EMILIN1: variants seen among roughly 807,000 people sequenced by gnomAD.
The protein encoded by EMILIN1 is EMILIN-1.
EMILIN1 carries 49 observed loss-of-function variants against 82.4 expected under a neutral mutation model. The ratio of observed to expected loss-of-function variants is 0.59; its 90% confidence interval spans 0.47 to 0.75. The LOEUF (loss-of-function observed/expected upper bound fraction) is 0.75. Ranked by LOEUF, EMILIN1 falls within the 30% of genes least tolerant of loss-of-function variation. EMILIN1 has a pLI of 0.00. For synonymous variants in EMILIN1, 604 were observed against 602.2 expected, an observed-to-expected ratio of 1.00 and a Z score of -0.04; for missense variants, 1,313 against 1,366.4, an observed-to-expected ratio of 0.96 and a Z score of 0.62.
rs1188442424 is a variant in EMILIN1 at position 27,083,742 on chromosome 2, A to C, written c.2171A>C (p.Glu724Ala). 6.8e-6 allele frequency: 11 copies of C among 1,613,516 alleles called. No individual in the cohort carries two copies. In the East Asian group the frequency reaches 2.5e-4, roughly 36 times the overall value. Residue 724 changes from glutamate (E) to alanine (A), a missense_variant, in exon 4 of 8, where the codon GAG (glutamate) becomes GCG (alanine). Transcript: ENST00000380320. ...CAGGCCGGCCAGTGCCCCAGCTTAG[A>C]GGGGCGATTGGGCCGTCTTGAGGGT... Reference protein sequence around the residue: ...QAQAGQCPSLEGRLGRLEGVC... With the variant: ...QAQAGQCPSLAGRLGRLEGVC...
At position 27,082,953 on chromosome 2, in the gene EMILIN1, G is replaced by A. The variant is rs560031379; in HGVS notation, c.1382G>A (p.Gly461Glu). ...GLLANVSGEL[G>E]GRLDLLEEQV... ...CTGGCCAATGTGAGCGGGGAGCTGG[G>A]GGGGCGGTTGGATCTGTTGGAGGAG... The change falls in exon 4 of 8, where the codon GGG becomes GAG. Residue 461 changes from glycine (G) to glutamate (E), a missense_variant. Gly to Glu is a moderately conservative substitution (Grantham distance 98). Coordinates refer to ENST00000380320, the MANE Select transcript of EMILIN1 (RefSeq NM_007046.4). The A allele has an allele frequency of 6.3e-7, 1 of 1,586,190 alleles. No individual in the cohort carries two copies. The highest frequency in any genetic ancestry group is 8.6e-7 in the Non-Finnish European group (1 of 1,166,604).
intron 3 of EMILIN1, among the ~76,000 whole-genome samples, chr2:27,081,630 C>T (rs192667591): frequency 5.3e-5 from 8 of 152,336 alleles, no homozygotes; most frequent in Admixed American, 2.0e-4. Flanking sequence ...ACTCCCATTT[C>T]GCCCCTCTTG....
chr2:27,083,179 A>C lies in EMILIN1; in HGVS notation c.1608A>C (p.Gln536His), dbSNP rs763235759. The C allele has an allele frequency of 8.7e-6, 14 of 1,610,790 alleles. No individual in the cohort carries two copies. The East Asian group carries it at 3.1e-4, about 36-fold the overall frequency. The change falls in exon 4 of 8, where the codon CAA becomes CAC. Residue 536 changes from glutamine to histidine, a missense_variant. Gln to His is a conservative substitution (Grantham distance 24). Transcript: ENST00000380320. ...EARQATLEGL[Q>H]EVVGRLQDRV... ...GGCAGGCCACGCTGGAGGGATTACA[A>C]GAGGTTGTGGGCCGGCTCCAGGATC...
chr2:27,084,848 TA>T (rs1270047306), intron 5 of EMILIN1, 142 bp from the exon 6 acceptor site: 1 of 781,302 alleles, frequency 1.3e-6, no homozygotes, highest in African/African-American at 1.7e-5. Context: ...GGACCCTACC[TA>T]TTCCTGTTTT....
Position 27,082,591 on chromosome 2 carries a change from C to T in EMILIN1, c.1020C>T (p.Leu340=), listed in dbSNP as rs1479856722. 3.9e-6 allele frequency: 6 copies of T among 1,543,110 alleles called. No individual in the cohort carries two copies. The highest frequency in any genetic ancestry group is 4.9e-5 in the East Asian group (2 of 40,870). Residue 340 remains leucine (L), a synonymous_variant, in exon 4 of 8, where the codon CTC becomes CTT. Transcript: ENST00000380320. ...LASVEERQRH[L]AGLAVGRRPP... is the part of the protein sequence containing the mutation. ...CGGTGGAGGAGCGGCAACGGCACCT[C>T]GCAGGGCTGGCGGTGGGCCGCAGGC...
chr2:27,083,020 T>C lies in EMILIN1; in HGVS notation c.1449T>C (p.Ser483=). Residue 483 remains serine (S), a synonymous_variant, in exon 4 of 8, where the codon TCT becomes TCC. Coordinates refer to ENST00000380320, the MANE Select transcript of EMILIN1 (RefSeq NM_007046.4). The stretch of plus-strand genomic sequence containing the variant: ...TGCAGGCATGCGGGCAGCTCTGCTC[T>C]GGGGCCCCTGGGGAGCAGGACTCTC... ...GAMQACGQLC[S]GAPGEQDSQV... 6.4e-7 allele frequency: 1 copy of C among 1,551,216 alleles called. No individual in the cohort carries two copies. The highest frequency in any genetic ancestry group is 8.7e-7 in the Non-Finnish European group (1 of 1,148,882).
chr2:27,083,219 G>C lies in EMILIN1; in HGVS notation c.1648G>C (p.Asp550His). The C allele has an allele frequency of 6.2e-7, 1 of 1,612,062 alleles. No homozygotes were observed. Reference sequence around the variant, plus strand: ...GCTCCAGGATCGTGTGGATGCCCAGGATGAGACAGCTGCAGAGTTCACACT... The same window carrying C: ...GCTCCAGGATCGTGTGGATGCCCAGCATGAGACAGCTGCAGAGTTCACACT... ...GRLQDRVDAQ[D>H]ETAAEFTLRL... Residue 550 changes from aspartate to histidine, a missense_variant, in exon 4 of 8, where the codon GAT (aspartate) becomes CAT (histidine). Asp to His is a moderately conservative substitution (Grantham distance 81, BLOSUM62 -1). Transcript: ENST00000380320.
At position 27,083,899 on chromosome 2, in the gene EMILIN1, G is replaced by GA; in HGVS notation, c.2328_2329insA (p.Glu777ArgfsTer18). On this transcript the variant is annotated frameshift_variant, in exon 4 of 8. Coordinates refer to ENST00000380320, the MANE Select transcript of EMILIN1 (RefSeq NM_007046.4). LOFTEE classifies it high-confidence loss of function. ...CCAGCCAGATGCAGGCAGCCCTGCT[G>GA]GAGAAGCTGGTCGGGGGACAGGCGG... 1.9e-6 allele frequency: 3 copies of GA among 1,608,958 alleles called. No homozygotes were observed. The highest frequency in any genetic ancestry group is 2.5e-6 in the Non-Finnish European group (3 of 1,176,726).
chr2:27,082,900 G>A lies in EMILIN1; in HGVS notation c.1329G>A (p.Arg443=), dbSNP rs1669508971. Residue 443 remains arginine (R), a synonymous_variant, in exon 4 of 8, where the codon CGG becomes CGA. Transcript: ENST00000380320. Reference sequence around the variant, plus strand: ...TGAGCCACTGGCTGCCTGCTGCCCGGGGCCGACTAGAGCAGTTGGGGGGGC... The same window carrying A: ...TGAGCCACTGGCTGCCTGCTGCCCGAGGCCGACTAGAGCAGTTGGGGGGGC... ...GGLSHWLPAA[R]GRLEQLGGLL... is the part of the protein sequence containing the mutation. 1 of 1,596,746 alleles carries A rather than the reference G, an allele frequency of 6.3e-7. No homozygotes were observed.
intron 7 of EMILIN1, 25 bp from the exon 8 acceptor site, chr2:27,085,653 C>A (rs1669601839): frequency 6.4e-7 from 1 of 1,572,922 alleles, no homozygotes; most frequent in Non-Finnish European, 8.7e-7. Context: ...TCCCTGGCCC[C>A]CCTGACTGCT....
At position 27,082,635 on chromosome 2, in the gene EMILIN1, C is replaced by T. The variant is rs1357851049; in HGVS notation, c.1064C>T (p.Ser355Phe). 5.8e-6 allele frequency: 9 copies of T among 1,546,182 alleles called. No individual in the cohort carries two copies. The highest frequency in any genetic ancestry group is 2.4e-5 in the East Asian group (1 of 41,190). Residue 355 changes from serine to phenylalanine, a missense_variant, in exon 4 of 8, where the codon TCT becomes TTT. Coordinates refer to ENST00000380320, the MANE Select transcript of EMILIN1 (RefSeq NM_007046.4). The stretch of plus-strand genomic sequence containing the variant: ...CGCAGGCCCCCTCAGGAATGCTGCT[C>T]TCCAGAGCTGGGCCGGCGACTGGCA... ...VGRRPPQECC[S>F]PELGRRLAEL...
Position 27,078,995 on chromosome 2 carries a change from C to A in EMILIN1, c.-71C>A. ...GGGCTGTCCTGTGGAGCAGCAGCAT[C>A]CCCGGGGCCGGCAGAGGCGCCAGTG... On this transcript the variant is annotated 5_prime_UTR_variant, in exon 1 of 8. Coordinates refer to ENST00000380320, the MANE Select transcript of EMILIN1 (RefSeq NM_007046.4). 1 of 1,247,740 alleles carries A rather than the reference C, an allele frequency of 8.0e-7. No individual in the cohort carries two copies. The allele number at this position is 1,247,740 out of a possible 1,614,324, so 77.3% of individuals were successfully genotyped here.
chr2:27,085,085 C>A lies in EMILIN1; in HGVS notation c.2576-75C>A, dbSNP rs1391278724. ...ATAGAGGTCCTCGGGCAGCCCTGGG[C>A]TGGGGATCCAGCAGGGGAAGGGGGC... On this transcript the variant is annotated intron_variant, in intron 6 of 7. Transcript: ENST00000380320. 1.9e-6 allele frequency: 3 copies of A among 1,613,090 alleles called. No individual in the cohort carries two copies. In the East Asian group the frequency reaches 6.7e-5, roughly 36 times the overall value.
Position 27,079,149 on chromosome 2 carries a change from T to G in EMILIN1, c.84T>G (p.Gly28=). 6.2e-7 allele frequency: 1 copy of G among 1,602,662 alleles called. No homozygotes were observed. The highest frequency in any genetic ancestry group is 8.5e-7 in the Non-Finnish European group (1 of 1,175,298). ...AAGAASYPPR[G]FSLYTGSSGA... ...GGGCCGCCAGCTACCCTCCTCGAGG[T>G]TTCAGCCTCTACACAGGTTCCAGTG... The change falls in exon 1 of 8, where the codon GGT becomes GGG. Residue 28 remains glycine, a synonymous_variant. Coordinates refer to ENST00000380320, the MANE Select transcript of EMILIN1 (RefSeq NM_007046.4).
intron 4 of EMILIN1, 29 bp downstream of exon 4, chr2:27,084,040 C>G (rs998134677): frequency 6.9e-7 from 1 of 1,443,346 alleles, no homozygotes; most frequent in Non-Finnish European, 9.1e-7. Context: ...TGAGGGGACC[C>G]CTTTCAAGCC....
At chr2:27,084,108 C>A in intron 4 of EMILIN1, 97 bp downstream of exon 4, 1 of 1,299,442 alleles carries the variant, frequency 7.7e-7, no homozygotes. Flanking sequence ...TTTCTCCTTG[C>A]TTTTCCCAAC....
At chr2:27,084,132 C>T in intron 4 of EMILIN1, 121 bp downstream of exon 4, 1 of 1,141,934 alleles carries the variant, frequency 8.8e-7, no homozygotes, top group Non-Finnish European at 1.2e-6. Flanking sequence ...AATTGCAGCC[C>T]CAGCCAGTAT....
At chr2:27,084,060 TC>T in intron 4 of EMILIN1, 49 bp downstream of exon 4, 1 of 1,428,122 alleles carries the variant, frequency 7.0e-7, no homozygotes, top group Non-Finnish European at 9.2e-7. Context: ...CCCTTATTTT[TC>T]TTCTCCCTCC....
intron 6 of EMILIN1, 46 bp downstream of exon 6, chr2:27,085,054 T>G (rs771459659): frequency 2.2e-5 from 35 of 1,613,118 alleles, no homozygotes; most frequent in Non-Finnish European, 2.5e-5. Context: ...GACTAGGGGT[T>G]GGAGGATAGA....
Sources: allele counts gnomAD v4.1 joint callset (sites outside exome capture counted in the v4.1 genomes callset), GRCh38; gene constraint gnomAD v4.1.1; transcripts MANE v1.5; gene names NCBI Gene and HGNC (gene_info 2026-07-23, HGNC 2026-07-21).